NCAM2: variants seen among roughly 807,000 people sequenced by gnomAD.
The protein encoded by NCAM2 is neural cell adhesion molecule 2, also known as N-CAM-2.
In NCAM2, 30 loss-of-function variants were observed where a neutral mutation model predicts 98.1. The ratio of observed to expected loss-of-function variants is 0.31; its 90% CI spans 0.23 to 0.41. The LOEUF (loss-of-function observed/expected upper bound fraction) is 0.41, where lower values mean the gene tolerates loss of function less well. NCAM2 is among the 10% of genes least tolerant of loss of function. The probability of loss-of-function intolerance (pLI) is 1.00; values close to 1 mark genes in which losing one functional copy is unlikely to be tolerated. For synonymous variants in NCAM2, 368 were observed against 342.4 expected (o/e 1.07, Z -0.83); for missense variants, 867 against 1,005.8 (o/e 0.86, Z 1.87).
intron 1 of NCAM2, among the ~76,000 whole-genome samples, chr21:21,099,786 G>A (rs1036274387): frequency 9.9e-5 from 15 of 151,676 alleles, no homozygotes; most frequent in Admixed American, 3.3e-4. Context: ...CCTTTTTCTC[G>A]TGAACCTAAA....
chr21:21,170,727 T>C (rs546646897), intron 1 of NCAM2, among the ~76,000 whole-genome samples: 2 of 152,316 alleles, frequency 1.3e-5, no homozygotes, highest in African/African-American at 4.8e-5. Context: ...GGAATATATA[T>C]TCTGAGTGAA....
Position 21,319,441 on chromosome 21 carries a change from G to C in NCAM2, c.620-4942G>C, listed in dbSNP as rs560595346. Among the ~76,000 whole-genome samples the C allele has an allele frequency of 4.6e-5, 7 of 152,282 alleles. No individual in the cohort carries two copies. The South Asian group carries it at 1.4e-3, about 32-fold the overall frequency. On this transcript the variant is annotated intron_variant, in intron 5 of 17. Coordinates refer to ENST00000400546, the MANE Select transcript of NCAM2 (RefSeq NM_004540.5). ...GTGGATCACGAGGTCAAGAGTTTGAGACCAGCCTGGCCAACATGGTGAAAC... is the reference window on the plus strand; with the variant it reads ...GTGGATCACGAGGTCAAGAGTTTGACACCAGCCTGGCCAACATGGTGAAAC...
intron 1 of NCAM2, among the ~76,000 whole-genome samples, chr21:21,008,874 A>G (rs569559782): frequency 1.3e-5 from 2 of 152,120 alleles, no homozygotes; most frequent in Non-Finnish European, 2.9e-5. Flanking sequence ...ATTGCTCATT[A>G]CTGTGCACAC....
At chr21:21,092,299 A>T (rs2066029489) in intron 1 of NCAM2, among the ~76,000 whole-genome samples, 1 of 152,072 alleles carries the variant, frequency 6.6e-6, no homozygotes, top group East Asian at 1.9e-4. Flanking sequence ...TACTCTAATG[A>T]TTTATGAATT....
chr21:21,110,181 A>G (rs1388067175), intron 1 of NCAM2, among the ~76,000 whole-genome samples: 17 of 152,208 alleles, frequency 1.1e-4, no homozygotes, highest in Admixed American at 1.1e-3. Context: ...AGAAAAAAAT[A>G]CGTTCTACCC....
chr21:21,542,463 A>G lies in NCAM2; in HGVS notation c.*4506A>G, dbSNP rs1193386555. 2 of 151,814 alleles carry G rather than the reference A, an allele frequency of 1.3e-5. No individual in the cohort carries two copies. The highest frequency in any genetic ancestry group is 2.9e-5 in the Non-Finnish European group (2 of 67,862). The allele number at this position is 151,814 out of a possible 1,614,324, so 9.4% of individuals were successfully genotyped here. On this transcript the variant is annotated 3_prime_UTR_variant, in exon 18 of 18. Coordinates refer to ENST00000400546, the MANE Select transcript of NCAM2 (RefSeq NM_004540.5). ...AAATTTTCATTTTATACAATTTTTG[A>G]GATTCTGGCCACACAACATTCAGAA...
At chr21:21,461,321 T>G (rs1176857191) in intron 12 of NCAM2, among the ~76,000 whole-genome samples, 1 of 151,978 alleles carries the variant, frequency 6.6e-6, no homozygotes, top group Admixed American at 6.6e-5. Flanking sequence ...TTTTTCTATT[T>G]AAATAGGAAG....
intron 1 of NCAM2, among the ~76,000 whole-genome samples, chr21:21,163,033 A>C (rs2067835032): frequency 6.6e-6 from 1 of 152,184 alleles, no homozygotes; most frequent in African/African-American, 2.4e-5. Flanking sequence ...AATAATGAAG[A>C]GTCCAATTAG....
chr21:21,399,862 G>A (rs1189159168), intron 9 of NCAM2, among the ~76,000 whole-genome samples: 1 of 152,148 alleles, frequency 6.6e-6, no homozygotes, highest in East Asian at 1.9e-4. Context: ...ACTAGGCTCA[G>A]AGAAAATATT....
chr21:21,424,335 G>T (rs2077170891), intron 11 of NCAM2, among the ~76,000 whole-genome samples: 1 of 152,106 alleles, frequency 6.6e-6, no homozygotes, highest in Admixed American at 6.5e-5. Context: ...ACCACACATT[G>T]TTCTAGATCT....
intron 12 of NCAM2, among the ~76,000 whole-genome samples, chr21:21,435,108 C>G (rs1160812095): frequency 6.6e-6 from 1 of 152,192 alleles, no homozygotes; most frequent in Non-Finnish European, 1.5e-5. Context: ...TTTCCTCACC[C>G]TTTACTTCAG....
At chr21:21,203,191 A>G (rs2069299915) in intron 1 of NCAM2, among the ~76,000 whole-genome samples, 1 of 152,214 alleles carries the variant, frequency 6.6e-6, no homozygotes, top group Non-Finnish European at 1.5e-5. Flanking sequence ...GAAAATTAAA[A>G]TATGAAGGAC....
intron 12 of NCAM2, among the ~76,000 whole-genome samples, chr21:21,459,590 T>A (rs957908855): frequency 6.7e-6 from 1 of 149,566 alleles, no homozygotes; most frequent in Non-Finnish European, 1.5e-5. Context: ...TGTATACATT[T>A]ATATACATTA....
intron 1 of NCAM2, among the ~76,000 whole-genome samples, chr21:21,055,532 T>C (rs2146309110): frequency 6.6e-6 from 1 of 152,184 alleles, no homozygotes; most frequent in East Asian, 1.9e-4. Context: ...GCAGACCTGC[T>C]TACCTATTTT....
intron 1 of NCAM2, among the ~76,000 whole-genome samples, chr21:21,237,412 G>A (rs1365502560): frequency 6.6e-6 from 1 of 152,070 alleles, no homozygotes; most frequent in Non-Finnish European, 1.5e-5. Context: ...GCAAATTGTA[G>A]TATAATTATG....
At chr21:21,054,447 T>A (rs73895173) in intron 1 of NCAM2, among the ~76,000 whole-genome samples, 4,178 of 152,126 alleles carry the variant, frequency 0.027, 190 homozygotes, top group African/African-American at 0.096. Flanking sequence ...CATGAAGATA[T>A]ACTCCTTACA....
intron 5 of NCAM2, among the ~76,000 whole-genome samples, chr21:21,302,251 C>T (rs1310654300): frequency 6.6e-6 from 1 of 152,030 alleles, no homozygotes; most frequent in Admixed American, 6.6e-5. Context: ...AGTTTGGGGT[C>T]TTTTATTTGA....
At chr21:21,313,329 C>G (rs2074117465) in intron 5 of NCAM2, among the ~76,000 whole-genome samples, 1 of 151,360 alleles carries the variant, frequency 6.6e-6, no homozygotes, top group African/African-American at 2.4e-5. Context: ...GAATTTGTTC[C>G]AATTTTTTTT....
chr21:21,005,564 T>C (rs560623332), intron 1 of NCAM2, among the ~76,000 whole-genome samples: 1 of 152,170 alleles, frequency 6.6e-6, no homozygotes, highest in Non-Finnish European at 1.5e-5. Context: ...TGGCCAATTC[T>C]TCAGAATAAT....
Sources: allele counts gnomAD v4.1 joint callset (sites outside exome capture counted in the v4.1 genomes callset), GRCh38; gene constraint gnomAD v4.1.1; transcripts MANE v1.5; gene names NCBI Gene and HGNC (gene_info 2026-07-23, HGNC 2026-07-21).